Variants in THSD4 observed in about 807,000 individuals in gnomAD.
The protein encoded by THSD4 is thrombospondin type-1 domain-containing protein 4.
In THSD4, 69 loss-of-function variants were observed where a neutral mutation model predicts 119.0. The ratio of observed to expected loss-of-function variants is 0.58; its 90% CI spans 0.48 to 0.71. The LOEUF (loss-of-function observed/expected upper bound fraction) is 0.71, where lower values mean the gene tolerates loss of function less well. Among genes scored for constraint, THSD4 ranks in the 30% least tolerant of loss-of-function variants. The probability of loss-of-function intolerance (pLI) is 0.00; values close to 1 mark genes in which losing one functional copy is unlikely to be tolerated. For missense variants in THSD4, 1,393 were observed against 1,391.1 expected (o/e 1.00, Z -0.02); for synonymous variants, 524 against 540.4 (o/e 0.97, Z 0.42).
At chr15:71,099,076 G>C (rs2040243480) in intron 1 of THSD4, among the ~76,000 whole-genome samples, 3 of 152,306 alleles carry the variant, frequency 2.0e-5, no homozygotes, top group Admixed American at 6.5e-5. Flanking sequence ...ACCTTTAAGA[G>C]AGTCAGGGAT....
chr15:71,128,467 C>A (rs2040473728), intron 1 of THSD4, among the ~76,000 whole-genome samples: 1 of 150,574 alleles, frequency 6.6e-6, no homozygotes, highest in Non-Finnish European at 1.5e-5. Context: ...GCAGAGGTTG[C>A]CATGAGCCAA....
intron 7 of THSD4, among the ~76,000 whole-genome samples, chr15:71,444,887 T>C (rs1416553951): frequency 6.6e-6 from 1 of 152,186 alleles, no homozygotes. Flanking sequence ...AAAATATAAA[T>C]TATTCCCCTG....
chr15:71,543,658 G>C (rs1356406473), intron 7 of THSD4, among the ~76,000 whole-genome samples: 1 of 152,236 alleles, frequency 6.6e-6, no homozygotes, highest in African/African-American at 2.4e-5. Context: ...TTTGAGGAAT[G>C]CAAGTATCCA....
intron 4 of THSD4, among the ~76,000 whole-genome samples, chr15:71,233,711 A>G (rs898659796): frequency 3.3e-5 from 5 of 152,162 alleles, no homozygotes; most frequent in African/African-American, 9.7e-5. Context: ...CAGATTTACA[A>G]TTTACAACCA....
intron 4 of THSD4, among the ~76,000 whole-genome samples, chr15:71,223,203 T>A (rs1220402678): frequency 6.6e-6 from 1 of 151,704 alleles, no homozygotes; most frequent in Non-Finnish European, 1.5e-5. Context: ...GGTCAGGGAG[T>A]AAATATCTCC....
chr15:71,619,419 G>A (rs2050381053), intron 7 of THSD4, among the ~76,000 whole-genome samples: 2 of 152,184 alleles, frequency 1.3e-5, no homozygotes, highest in East Asian at 3.8e-4. Flanking sequence ...AGGATAGTTA[G>A]CATCTGGAAA....
At chr15:71,335,951 T>G (rs555521490) in intron 6 of THSD4, among the ~76,000 whole-genome samples, 2 of 152,120 alleles carry the variant, frequency 1.3e-5, no homozygotes, top group Non-Finnish European at 2.9e-5. Context: ...CGGGGAATGA[T>G]GTGGAAGGCC....
At chr15:71,722,022 G>A (rs2052733010) in intron 8 of THSD4, among the ~76,000 whole-genome samples, 1 of 151,822 alleles carries the variant, frequency 6.6e-6, no homozygotes, top group Admixed American at 6.6e-5. Context: ...GAGAGTGAAG[G>A]TATCTTTATA....
chr15:71,193,662 A>C (rs551012042), intron 3 of THSD4, among the ~76,000 whole-genome samples: 3 of 152,220 alleles, frequency 2.0e-5, no homozygotes, highest in African/African-American at 7.2e-5. Context: ...TGGTTCCCCC[A>C]TACTGTTCTC....
intron 6 of THSD4, among the ~76,000 whole-genome samples, chr15:71,327,072 C>T (rs1023293747): frequency 3.3e-5 from 5 of 151,916 alleles, no homozygotes; most frequent in South Asian, 2.1e-4. Context: ...GATTCTGAGA[C>T]GGGAGAATCG....
intron 7 of THSD4, among the ~76,000 whole-genome samples, chr15:71,514,088 T>C (rs1458869345): frequency 6.6e-6 from 1 of 152,232 alleles, no homozygotes; most frequent in East Asian, 1.9e-4. Context: ...GAGCCAGTGC[T>C]TGAACTCAGG....
At position 71,532,618 on chromosome 15, in the gene THSD4, G is replaced by A. The variant is rs142988298; in HGVS notation, c.1152+120795G>A. Among the ~76,000 whole-genome samples, 602 of 152,110 alleles carry A rather than the reference G, an allele frequency of 4.0e-3. 4 individuals carry two copies. Among genetic ancestry groups the A allele is most frequent in the African/African-American group, 0.014 (582 of 41,504 alleles). On this transcript the variant is annotated intron_variant, in intron 7 of 17. Coordinates refer to ENST00000261862, the MANE Select transcript of THSD4 (RefSeq NM_024817.3). ...GTGTGAGCCACCACATCCAGCCAGGGTGGAATTACTTAATGTAGAATTTAT... is the reference window on the plus strand; with the variant it reads ...GTGTGAGCCACCACATCCAGCCAGGATGGAATTACTTAATGTAGAATTTAT...
chr15:71,230,687 A>G (rs1310022535), intron 4 of THSD4, among the ~76,000 whole-genome samples: 2 of 152,298 alleles, frequency 1.3e-5, no homozygotes, highest in East Asian at 3.9e-4. Flanking sequence ...ATCCTATGTT[A>G]CCACCTCTGT....
intron 7 of THSD4, among the ~76,000 whole-genome samples, chr15:71,441,081 A>G (rs1172718551): frequency 2.0e-5 from 3 of 152,200 alleles, no homozygotes; most frequent in Non-Finnish European, 4.4e-5. Context: ...TAAATTTGAG[A>G]TACTGAGTCC....
intron 15 of THSD4, among the ~76,000 whole-genome samples, chr15:71,758,642 A>G (rs781683311): frequency 6.6e-6 from 1 of 152,222 alleles, no homozygotes; most frequent in Non-Finnish European, 1.5e-5. Context: ...CCCCACTAAG[A>G]AAATGTGGAA....
At chr15:71,159,739 A>T (rs2141388792) in intron 3 of THSD4, among the ~76,000 whole-genome samples, 1 of 152,220 alleles carries the variant, frequency 6.6e-6, no homozygotes, top group Middle Eastern at 3.4e-3. Flanking sequence ...ATACAGGGAC[A>T]ATATGATTTC....
At chr15:71,678,576 T>A (rs192001612) in intron 8 of THSD4, among the ~76,000 whole-genome samples, 2 of 152,360 alleles carry the variant, frequency 1.3e-5, no homozygotes, top group East Asian at 3.9e-4. Context: ...CTTCTAAACC[T>A]TGAAGTCTTG....
In THSD4 at chr15:71,660,706, G is replaced by A. The variant is rs62024298; in HGVS notation, c.1329G>A (p.Thr443=). The A allele has an allele frequency of 0.27, 428,220 of 1,613,832 alleles. 62,218 individuals are homozygous for A. The highest frequency in any genetic ancestry group is 0.68 in the East Asian group (30,493 of 44,842). Residue 443 remains threonine (T), a synonymous_variant, in exon 8 of 18, where the codon ACG becomes ACA. Coordinates refer to ENST00000261862, the MANE Select transcript of THSD4 (RefSeq NM_024817.3). ...AGGGAGCCACGAAAATCAACATCAC[G>A]GAGATGTACAAGAGCAACAACTATT... ...IPEGATKINI[T]EMYKSNNYLA...
At chr15:71,670,015 A>G (rs1442884073) in intron 8 of THSD4, among the ~76,000 whole-genome samples, 1 of 152,224 alleles carries the variant, frequency 6.6e-6, no homozygotes, top group Admixed American at 6.5e-5. Context: ...TTGCAATGAC[A>G]AGAAACAGGC....
Sources: gnomAD v4.1 joint callset for allele counts (sites outside exome capture counted in the v4.1 genomes callset) on GRCh38, gnomAD v4.1.1 for gene constraint, MANE v1.5 for transcripts, NCBI Gene and HGNC (gene_info 2026-07-23, HGNC 2026-07-21) for gene names.